The following PDE10A variants were observed in gnomAD, a reference collection of about 807,000 sequenced individuals.
The protein encoded by PDE10A is phosphodiesterase 10A, also known as cAMP and cAMP-inhibited cGMP 3',5'-cyclic phosphodiesterase 10A.
PDE10A carries 39 observed loss-of-function variants against 97.7 expected under a neutral mutation model. The observed-to-expected ratio is 0.40, with a 90% CI of 0.31 to 0.52. The LOEUF (loss-of-function observed/expected upper bound fraction) is 0.52. Ranked by LOEUF, PDE10A falls within the 20% of genes least tolerant of loss-of-function variation. The probability of loss-of-function intolerance (pLI) is 0.56; values close to 1 mark genes in which losing one functional copy is unlikely to be tolerated. For synonymous variants in PDE10A, 371 were observed against 376.8 expected (o/e 0.98, Z 0.18); for missense variants, 731 against 1,047.8 (o/e 0.70, Z 4.17).
chr6:165,688,248 T>C (rs1791176993), intron 1 of PDE10A, among the ~76,000 whole-genome samples: 2 of 152,102 alleles, frequency 1.3e-5, no homozygotes, highest in Admixed American at 1.3e-4. Flanking sequence ...CAAGAGATGA[T>C]TGATTGGTTT....
intron 1 of PDE10A, among the ~76,000 whole-genome samples, chr6:165,835,268 T>G (rs1780035579): frequency 6.6e-6 from 1 of 152,246 alleles, no homozygotes; most frequent in Non-Finnish European, 1.5e-5. Context: ...TTATTTTTCT[T>G]TGCTCCTGCC....
chr6:165,713,572 G>A (rs1004745912), intron 1 of PDE10A, among the ~76,000 whole-genome samples: 5 of 152,338 alleles, frequency 3.3e-5, no homozygotes, highest in Admixed American at 3.3e-4. Context: ...ACCAGGAGAG[G>A]AGGGAGGGTG....
intron 1 of PDE10A, among the ~76,000 whole-genome samples, chr6:165,610,109 T>C (rs1390538464): frequency 3.3e-5 from 5 of 152,154 alleles, no homozygotes; most frequent in African/African-American, 1.2e-4. Flanking sequence ...CTTCAAACTA[T>C]ACTACAAGGC....
intron 1 of PDE10A, among the ~76,000 whole-genome samples, chr6:165,569,741 C>A (rs1784958731): frequency 6.6e-6 from 1 of 152,188 alleles, no homozygotes; most frequent in Non-Finnish European, 1.5e-5. Flanking sequence ...TCCCTACTCT[C>A]ATTCCGGTTT....
intron 1 of PDE10A, among the ~76,000 whole-genome samples, chr6:165,575,246 T>C (rs1487604068): frequency 6.6e-6 from 1 of 152,318 alleles, no homozygotes; most frequent in African/African-American, 2.4e-5. Flanking sequence ...TTCTAACTGG[T>C]TAGAGAAAAA....
chr6:165,869,646 C>A (rs947748224), intron 1 of PDE10A, among the ~76,000 whole-genome samples: 2 of 152,074 alleles, frequency 1.3e-5, no homozygotes, highest in African/African-American at 4.8e-5. Context: ...CAAAGCAATA[C>A]TGAACAAAAA....
intron 1 of PDE10A, among the ~76,000 whole-genome samples, chr6:165,637,856 A>C (rs995963709): frequency 1.3e-5 from 2 of 152,186 alleles, no homozygotes; most frequent in Non-Finnish European, 2.9e-5. Context: ...AGAAGGCAAA[A>C]TCTGGCTTGA....
intron 1 of PDE10A, among the ~76,000 whole-genome samples, chr6:165,889,760 A>G (rs1218888976): frequency 2.0e-5 from 3 of 151,954 alleles, no homozygotes; most frequent in Non-Finnish European, 4.4e-5. Context: ...GCACAGGAAG[A>G]TTTCCTGCAG....
At chr6:165,665,350 G>T (rs570526585), upstream of PDE10A, among the ~76,000 whole-genome samples, 6 of 152,330 alleles carry the variant, frequency 3.9e-5, no homozygotes, top group African/African-American at 1.2e-4. Context: ...GCTGCGCCTG[G>T]AGAACGCGCT....
In PDE10A at chr6:165,331,102, T is replaced by C. The variant is rs2128171398; in HGVS notation, c.*1923A>G. 6.6e-6 allele frequency: 1 copy of C among 151,852 alleles called. No homozygotes were observed. The highest frequency in any genetic ancestry group is 1.9e-4 in the East Asian group (1 of 5,190). 9.4% of individuals were successfully genotyped at this position (151,852 alleles called of 1,614,324 possible). ...TTCTCTCTTCCTCTCTTTCCTTCTG[T>C]CTCTCGTGTGTGTGTATGTGTATGT... On this transcript the variant is annotated 3_prime_UTR_variant, in exon 22 of 22. Transcript: ENST00000539869.
intron 18 of PDE10A, among the ~76,000 whole-genome samples, chr6:165,369,876 T>A (rs1290389891): frequency 2.0e-5 from 3 of 151,390 alleles, no homozygotes; most frequent in African/African-American, 7.3e-5. Context: ...TAACAGCAAA[T>A]CTCTCGGCAG....
chr6:165,820,595 G>GC (rs1285647323), intron 1 of PDE10A, among the ~76,000 whole-genome samples: 1 of 152,122 alleles, frequency 6.6e-6, no homozygotes, highest in African/African-American at 2.4e-5. Context: ...ATGAGCCCAG[G>GC]CCCCCCAGCG....
At chr6:165,641,798 G>T (rs891888299) in intron 1 of PDE10A, among the ~76,000 whole-genome samples, 1 of 152,196 alleles carries the variant, frequency 6.6e-6, no homozygotes, top group East Asian at 1.9e-4. Context: ...ACTGTTATGA[G>T]AACCAAGGAA....
Position 165,450,358 on chromosome 6 carries a change from T to C in PDE10A, c.1028A>G (p.Gln343Arg). 1 of 1,515,822 alleles carries C rather than the reference T, an allele frequency of 6.6e-7. No individual in the cohort carries two copies. Among genetic ancestry groups the C allele is most frequent in the Non-Finnish European group, 9.0e-7 (1 of 1,113,102 alleles). The allele number at this position is 1,515,822 out of a possible 1,614,324, so 93.9% of individuals were successfully genotyped here. ...TACAACTCCCTGCATATTCGTATCT[T>C]GGTACTTTGGATTAAAAATAACAAA... ...ESAPKEVSRY[Q>R]DTNMQGVVYE... Residue 343 changes from glutamine to arginine, a missense_variant, in exon 4 of 22, where the codon CAA becomes CGA. By Grantham distance (43) the Gln-to-Arg change is conservative. Around this residue, in one of 8 missense-constraint regions of PDE10A, gnomAD observed 181 missense variants for 159.1 expected, o/e 1.14. Coordinates refer to ENST00000539869, the MANE Select transcript of PDE10A (RefSeq NM_001385079.1).
chr6:165,739,571 T>A (rs1019772594), intron 1 of PDE10A, among the ~76,000 whole-genome samples: 3 of 151,456 alleles, frequency 2.0e-5, no homozygotes, highest in Non-Finnish European at 4.4e-5. Context: ...TTGAAATTGG[T>A]CTGGGCTATG....
chr6:165,476,366 G>C (rs1779299398), intron 3 of PDE10A, among the ~76,000 whole-genome samples: 1 of 152,038 alleles, frequency 6.6e-6, no homozygotes, highest in African/African-American at 2.4e-5. Flanking sequence ...AAATGAAGAA[G>C]AAACACCCAA....
intron 1 of PDE10A, among the ~76,000 whole-genome samples, chr6:165,741,748 G>A (rs1001175874): frequency 1.3e-5 from 2 of 152,102 alleles, no homozygotes; most frequent in Admixed American, 1.3e-4. Context: ...TATTGAGAGG[G>A]AGAGAAAGAA....
intron 18 of PDE10A, among the ~76,000 whole-genome samples, chr6:165,352,472 A>T (rs780168670): frequency 1.1e-4 from 16 of 152,212 alleles, no homozygotes; most frequent in Non-Finnish European, 2.1e-4. Flanking sequence ...TCACCTAAGA[A>T]ATATTACCAT....
At chr6:165,716,107 C>A (rs914123705) in intron 1 of PDE10A, among the ~76,000 whole-genome samples, 1 of 152,180 alleles carries the variant, frequency 6.6e-6, no homozygotes, top group African/African-American at 2.4e-5. Context: ...CTGGATGAAG[C>A]CCAGGTGCCA....
Sources: gnomAD v4.1 joint callset for allele counts (sites outside exome capture counted in the v4.1 genomes callset) on GRCh38, gnomAD v4.1.1 for gene constraint, gnomAD v4.1.1 regional missense constraint, MANE v1.5 for transcripts, NCBI Gene and HGNC (gene_info 2026-07-23, HGNC 2026-07-21) for gene names.